The following ZNF701 variants were observed in gnomAD, a reference collection of about 807,000 sequenced individuals.
The protein encoded by ZNF701 is zinc finger protein 701.
In ZNF701, 6 loss-of-function variants were observed where a neutral mutation model predicts 7.1. The observed-to-expected ratio is 0.84, with a 90% confidence interval of 0.46 to 1.66. ZNF701 has a LOEUF of 1.66. ZNF701 is among the 40% of genes most tolerant of loss of function. The probability of loss-of-function intolerance (pLI) is 0.01; values close to 1 mark genes in which losing one functional copy is unlikely to be tolerated. For synonymous variants in ZNF701, 166 were observed against 188.2 expected (o/e 0.88, Z 0.97); for missense variants, 541 against 559.2 (o/e 0.97, Z 0.33).
In ZNF701 at chr19:52,571,231, A is replaced by G. The variant is rs1033815892; in HGVS notation, c.-72+901A>G. On this transcript the variant is annotated intron_variant, in intron 1 of 3. Transcript: ENST00000391785. Reference sequence around the variant, plus strand: ...GGCAGCAAAGAGGGAGGCTCATCAGAGTGAGAGAGAGAGAGAGAGAGAGGA... The same window carrying G: ...GGCAGCAAAGAGGGAGGCTCATCAGGGTGAGAGAGAGAGAGAGAGAGAGGA... Among the ~76,000 whole-genome samples the G allele has an allele frequency of 9.6e-5, 13 of 135,870 alleles. No homozygotes were observed. The East Asian group carries it at 1.2e-3, about 13-fold the overall frequency. 89.1% of individuals were successfully genotyped at this position (135,870 alleles called of 152,430 possible).
chr19:52,594,003 G>A, the ZNF701 span: 37 of 125,586 alleles, frequency 2.9e-4, no homozygotes, highest in South Asian at 1.7e-3. Flanking sequence ...CCGAGATCAC[G>A]CCACTGCACT....
rs1256117780 is a variant in ZNF701 at position 52,584,069 on chromosome 19, C to T, written c.*612C>T. 27 of 448,990 alleles carry T rather than the reference C, an allele frequency of 6.0e-5. No individual in the cohort carries two copies. The allele number at this position is 448,990 out of a possible 1,614,324, so 27.8% of individuals were successfully genotyped here. A position where few individuals can be genotyped will look rare whatever the true frequency, so the allele number is the denominator to read the frequency against. On this transcript the variant is annotated 3_prime_UTR_variant, in exon 4 of 4. Transcript: ENST00000391785. ...GTGATGATTGTGAGCAAAGCCTTTA[C>T]TTCACGTTCACACCACATTAGATAT...
rs372153733 is a variant in ZNF701, at chr19:52,582,653, G to C, written c.594G>C (p.Gln198His). ...ISNKYRNNFL[Q>H]SSLLTQKREV... ...ATAAGTATAGGAATAATTTCCTCCA[G>C]TCTTCATTACTCACACAAAAACGGG... The change falls in exon 4 of 4, where the codon CAG becomes CAC. Residue 198 changes from glutamine (Q) to histidine (H), a missense_variant. Coordinates refer to ENST00000391785, the MANE Select transcript of ZNF701 (RefSeq NM_018260.3). The C allele has an allele frequency of 1.9e-6, 3 of 1,613,984 alleles. No homozygotes were observed. Among genetic ancestry groups the C allele is most frequent in the East Asian group, 4.5e-5 (2 of 44,882 alleles).
chr19:52,582,112 A>G, intron 3 of ZNF701, 90 bp from the exon 4 acceptor site: 1 of 1,166,006 alleles, frequency 8.6e-7, no homozygotes, highest in Non-Finnish European at 1.2e-6. Context: ...AGTTTAAAAT[A>G]AGTATTGTTT....
chr19:52,592,275 C>T, the ZNF701 span: 2 of 1,504,638 alleles, frequency 1.3e-6, no homozygotes, highest in Admixed American at 3.8e-5. Context: ...CCTTGTCTAT[C>T]TTGGCTCTTC....
intron 1 of ZNF701, chr19:52,572,561 C>A: frequency 2.6e-6 from 1 of 391,584 alleles, no homozygotes. Flanking sequence ...TTTATCCCTT[C>A]CAGGCCACCA....
At position 52,583,518 on chromosome 19, in the gene ZNF701, A is replaced by C; in HGVS notation, c.*61A>C. The C allele has an allele frequency of 1.2e-6, 2 of 1,605,896 alleles. No individual in the cohort carries two copies. Among genetic ancestry groups the C allele is most frequent in the Non-Finnish European group, 1.7e-6 (2 of 1,174,002 alleles). ...AACCTTGCATGTCATCATAGACTTT[A>C]TACTGGAGAGAAACCTTACAAATGT... On this transcript the variant is annotated 3_prime_UTR_variant, in exon 4 of 4. Transcript: ENST00000391785.
At chr19:52,574,759 G>GA (rs1568500938) in intron 2 of ZNF701, among the ~76,000 whole-genome samples, 2 of 151,938 alleles carry the variant, frequency 1.3e-5, no homozygotes, top group Admixed American at 1.3e-4. Flanking sequence ...AATAATAGCA[G>GA]GAGATTTATT....
At chr19:52,597,947 G>C in the ZNF701 span, 1 of 155,164 alleles carries the variant, frequency 6.4e-6, no homozygotes, top group Non-Finnish European at 1.4e-5. Flanking sequence ...TAATATCACA[G>C]GGATGCCTCC....
the ZNF701 span, among the ~76,000 whole-genome samples, chr19:52,599,296 G>A: frequency 6.6e-6 from 1 of 151,862 alleles, no homozygotes; most frequent in Non-Finnish European, 1.5e-5. Flanking sequence ...CAAACAACAA[G>A]GGAAACAGTA....
At position 52,582,659 on chromosome 19, in the gene ZNF701, A is replaced by G. The variant is rs1568505400; in HGVS notation, c.600A>G (p.Ser200=). ...NKYRNNFLQS[S]LLTQKREVHT... ...ATAGGAATAATTTCCTCCAGTCTTC[A>G]TTACTCACACAAAAACGGGAAGTAC... The change falls in exon 4 of 4, where the codon TCA becomes TCG. Residue 200 remains serine (S), a synonymous_variant. Transcript: ENST00000391785. The G allele has an allele frequency of 7.4e-6, 12 of 1,614,052 alleles. No homozygotes were observed. The highest frequency in any genetic ancestry group is 2.7e-5 in the African/African-American group (2 of 74,938).
chr19:52,595,964 G>C, the ZNF701 span: 3 of 1,610,712 alleles, frequency 1.9e-6, no homozygotes, highest in South Asian at 3.3e-5. Context: ...TGGTAATCAA[G>C]TGGAGAAGTC....
At chr19:52,592,302 T>C in the ZNF701 span, 1 of 1,396,964 alleles carries the variant, frequency 7.2e-7, no homozygotes, top group Non-Finnish European at 9.9e-7. Flanking sequence ...TTGTATTCTC[T>C]TTTGTGATGT....
rs981902176 is a variant in ZNF701 at position 52,583,571 on chromosome 19, C to G, written c.*114C>G. On this transcript the variant is annotated 3_prime_UTR_variant, in exon 4 of 4. Transcript: ENST00000391785. ...AGAATGTGACAAAAGTTTTCAATTT[C>G]AAATCACTCCTTGAAATACATAGGA... 8.1e-6 allele frequency: 12 copies of G among 1,486,320 alleles called. No individual in the cohort carries two copies. Among genetic ancestry groups the G allele is most frequent in the South Asian group, 6.8e-5 (6 of 87,710 alleles). 92.1% of individuals were successfully genotyped at this position (1,486,320 alleles called of 1,614,324 possible). A position where few individuals can be genotyped will look rare whatever the true frequency, so the allele number is the denominator to read the frequency against.
chr19:52,570,550 G>GTATA (rs1425361628), intron 1 of ZNF701: 1 of 152,244 alleles, frequency 6.6e-6, no homozygotes, highest in African/African-American at 2.4e-5. Flanking sequence ...ACAGGGCGCT[G>GTATA]TATACACTTC....
intron 3 of ZNF701, among the ~76,000 whole-genome samples, chr19:52,577,836 GT>G (rs2059945658): frequency 6.6e-6 from 1 of 152,032 alleles, no homozygotes; most frequent in Non-Finnish European, 1.5e-5. Flanking sequence ...CCTCCCTGTG[GT>G]GCTGTGCTTC....
In ZNF701 at chr19:52,582,663, C is replaced by G. The variant is rs768362797; in HGVS notation, c.604C>G (p.Leu202Val). 6.2e-7 allele frequency: 1 copy of G among 1,614,116 alleles called. No homozygotes were observed. The highest frequency in any genetic ancestry group is 1.7e-5 in the Admixed American group (1 of 60,016). ...YRNNFLQSSLLTQKREVHTRE... is the reference protein window; with the variant it reads ...YRNNFLQSSLVTQKREVHTRE... ...GAATAATTTCCTCCAGTCTTCATTA[C>G]TCACACAAAAACGGGAAGTACACAC... Residue 202 changes from leucine (L) to valine (V), a missense_variant, in exon 4 of 4, where the codon CTC (leucine) becomes GTC (valine). Coordinates refer to ENST00000391785, the MANE Select transcript of ZNF701 (RefSeq NM_018260.3).
downstream of ZNF701, among the ~76,000 whole-genome samples, chr19:52,590,022 G>T (rs10411152): frequency 6.6e-6 from 1 of 151,724 alleles, no homozygotes; most frequent in South Asian, 2.1e-4. Flanking sequence ...TCGATCTCCC[G>T]ACCTCAGGTG....
At chr19:52,581,870 C>T (rs1460474510) in intron 3 of ZNF701, among the ~76,000 whole-genome samples, 3 of 152,028 alleles carry the variant, frequency 2.0e-5, no homozygotes, top group Admixed American at 6.6e-5. Flanking sequence ...ATATTTTTCT[C>T]TTCTTTGATG....
Sources: gnomAD v4.1 joint callset for allele counts (sites outside exome capture counted in the v4.1 genomes callset) on GRCh38, gnomAD v4.1.1 for gene constraint, MANE v1.5 for transcripts, NCBI Gene and HGNC (gene_info 2026-07-23, HGNC 2026-07-21) for gene names.